Variants in SV2C observed in about 807,000 individuals in gnomAD.
The protein encoded by SV2C is solute carrier family 22 member B3.
In SV2C, 49 loss-of-function variants were observed where a neutral mutation model predicts 79.7. That is an observed-to-expected ratio of 0.61 (90% confidence interval 0.49 to 0.78). The LOEUF (loss-of-function observed/expected upper bound fraction) is 0.78. Among genes scored for constraint, SV2C ranks in the 30% least tolerant of loss-of-function variants. The pLI, the probability that SV2C is intolerant of heterozygous loss-of-function variation, is 0.00. For synonymous variants in SV2C, 334 were observed against 333.2 expected (o/e 1.00, Z -0.03); for missense variants, 833 against 912.9 (o/e 0.91, Z 1.13).
intron 2 of SV2C, among the ~76,000 whole-genome samples, chr5:76,194,145 A>T (rs1471273128): frequency 1.3e-5 from 2 of 152,086 alleles, no homozygotes; most frequent in Non-Finnish European, 2.9e-5. Context: ...GTTCTGAAAG[A>T]CATAAGGAGA....
the SV2C span, among the ~76,000 whole-genome samples, chr5:76,002,872 T>C: frequency 2.6e-5 from 4 of 152,112 alleles, no homozygotes; most frequent in South Asian, 8.3e-4. Flanking sequence ...CGTGTGTTTT[T>C]TTTAAAATAT....
chr5:76,064,867 A>T, the SV2C span, among the ~76,000 whole-genome samples: 1 of 152,202 alleles, frequency 6.6e-6, no homozygotes, highest in Non-Finnish European at 1.5e-5. Flanking sequence ...ACACATCTAA[A>T]TTCTAAGAAC....
intron 8 of SV2C, 57 bp from the exon 9 acceptor site, chr5:76,295,721 C>A: frequency 6.5e-7 from 1 of 1,550,198 alleles, no homozygotes; most frequent in Non-Finnish European, 8.7e-7. Context: ...CAGGGAGTTG[C>A]TCATTGCCTC....
At chr5:75,900,298 G>T in the SV2C span, among the ~76,000 whole-genome samples, 2 of 152,082 alleles carry the variant, frequency 1.3e-5, no homozygotes, top group African/African-American at 2.4e-5. Flanking sequence ...GTTTGTAAAG[G>T]ATTTTATTTC....
the SV2C span, among the ~76,000 whole-genome samples, chr5:76,071,269 T>C: frequency 7.2e-5 from 11 of 152,146 alleles, no homozygotes; most frequent in Non-Finnish European, 1.6e-4. Context: ...AAAAGTGTGA[T>C]TTGCAGAGAA....
the SV2C span, among the ~76,000 whole-genome samples, chr5:76,051,348 A>G: frequency 9.9e-5 from 15 of 152,208 alleles, no homozygotes; most frequent in Non-Finnish European, 1.6e-4. Context: ...AAATTAGTAT[A>G]TTCTTGGATT....
the SV2C span, among the ~76,000 whole-genome samples, chr5:75,878,712 C>G: frequency 2.6e-5 from 4 of 152,248 alleles, no homozygotes; most frequent in East Asian, 7.7e-4. Flanking sequence ...AATACATACC[C>G]TACTCTGGCC....
At chr5:76,033,506 T>A in the SV2C span, among the ~76,000 whole-genome samples, 1 of 152,362 alleles carries the variant, frequency 6.6e-6, no homozygotes, top group East Asian at 1.9e-4. Context: ...AAAGAGGGAA[T>A]CCTTTCCCCA....
chr5:75,927,339 T>C, the SV2C span, among the ~76,000 whole-genome samples: 1 of 152,090 alleles, frequency 6.6e-6, no homozygotes, highest in African/African-American at 2.4e-5. Flanking sequence ...AATCCTGCCA[T>C]TTTTGATAAC....
intron 12 of SV2C, among the ~76,000 whole-genome samples, chr5:76,344,123 C>T (rs897611459): frequency 6.6e-6 from 1 of 152,236 alleles, no homozygotes; most frequent in African/African-American, 2.4e-5. Flanking sequence ...AGCATTCACA[C>T]ATCCACCTGA....
At chr5:76,040,470 C>A in the SV2C span, among the ~76,000 whole-genome samples, 1 of 152,126 alleles carries the variant, frequency 6.6e-6, no homozygotes. Flanking sequence ...ATAGAAGATG[C>A]AAAAATGCCC....
the SV2C span, among the ~76,000 whole-genome samples, chr5:75,851,683 C>T: frequency 2.0e-5 from 3 of 152,040 alleles, no homozygotes; most frequent in South Asian, 2.1e-4. Context: ...CTCTGTCACC[C>T]AGGCTGGAGT....
chr5:75,853,372 C>A, the SV2C span, among the ~76,000 whole-genome samples: 8 of 151,272 alleles, frequency 5.3e-5, no homozygotes, highest in African/African-American at 7.3e-5. Context: ...CTGGCTAACA[C>A]GGTGAAACCC....
intron 12 of SV2C, among the ~76,000 whole-genome samples, chr5:76,324,759 G>A (rs974647655): frequency 6.6e-6 from 1 of 152,138 alleles, no homozygotes; most frequent in Non-Finnish European, 1.5e-5. Context: ...AGGAGGCTGA[G>A]GTAGGAGGAT....
the SV2C span, among the ~76,000 whole-genome samples, chr5:75,968,389 G>A: frequency 2.6e-5 from 4 of 152,136 alleles, no homozygotes; most frequent in Non-Finnish European, 5.9e-5. Context: ...AGCTAAAGGA[G>A]GAAGTTCAAA....
chr5:75,921,549 T>A, the SV2C span: 3 of 845,308 alleles, frequency 3.5e-6, no homozygotes, highest in Admixed American at 5.2e-5. Context: ...GAAGGCATGG[T>A]CTTGGGGTTT....
upstream of SV2C, among the ~76,000 whole-genome samples, chr5:76,081,715 T>C (rs1482657664): frequency 2.0e-5 from 3 of 152,186 alleles, no homozygotes; most frequent in East Asian, 5.8e-4. Context: ...ATGAGAATCA[T>C]AACTTTTAGT....
chr5:76,311,980 C>A (rs138521438), intron 12 of SV2C, among the ~76,000 whole-genome samples: 1 of 152,170 alleles, frequency 6.6e-6, no homozygotes, highest in Non-Finnish European at 1.5e-5. Flanking sequence ...CTCTTGAAGT[C>A]TTCAAAATGA....
upstream of SV2C, chr5:76,079,418 GCT>G (rs1268518982): frequency 6.7e-6 from 2 of 296,870 alleles, no homozygotes; most frequent in African/African-American, 4.5e-5. Flanking sequence ...CTGCTATCAG[GCT>G]CTGATAGAAG....
Sources: gnomAD v4.1 joint callset for allele counts (sites outside exome capture counted in the v4.1 genomes callset) on GRCh38, gnomAD v4.1.1 for gene constraint, MANE v1.5 for transcripts, NCBI Gene and HGNC (gene_info 2026-07-23, HGNC 2026-07-21) for gene names.